The following MAML2 variants were observed in gnomAD, a reference collection of about 807,000 sequenced individuals.
The protein encoded by MAML2 is mastermind-like protein 2.
In MAML2, 22 loss-of-function variants were observed where a neutral mutation model predicts 96.1. The observed-to-expected ratio is 0.23, with a 90% confidence interval of 0.16 to 0.33. The LOEUF is 0.33. MAML2 is among the 10% of genes least tolerant of loss of function. MAML2 has a pLI of 1.00. For missense variants in MAML2, 1,367 were observed against 1,392.4 expected, an observed-to-expected ratio of 0.98 and a Z score of 0.29; for synonymous variants, 561 against 521.3, an observed-to-expected ratio of 1.08 and a Z score of -1.04.
chr11:95,984,801 A>G (rs901436439), intron 4 of MAML2, among the ~76,000 whole-genome samples: 7 of 152,220 alleles, frequency 4.6e-5, no homozygotes, highest in Non-Finnish European at 4.4e-5. Context: ...GAAACCCAAG[A>G]GCGTAAACTT....
chr11:96,311,411 G>T (rs530062573), intron 1 of MAML2, among the ~76,000 whole-genome samples: 1 of 152,290 alleles, frequency 6.6e-6, no homozygotes, highest in South Asian at 2.1e-4. Flanking sequence ...TGTGATTCTG[G>T]AATATCTCCA....
intron 2 of MAML2, among the ~76,000 whole-genome samples, chr11:96,006,563 CTT>C (rs367732430): frequency 7.2e-6 from 1 of 138,630 alleles, no homozygotes; most frequent in African/African-American, 2.6e-5. Context: ...TTTTTTTTTT[CTT>C]TTTTTTTTTT....
intron 2 of MAML2, 30 bp downstream of exon 2, chr11:96,091,862 A>C: frequency 6.3e-7 from 1 of 1,595,176 alleles, no homozygotes; most frequent in Non-Finnish European, 8.5e-7. Flanking sequence ...GTCTCTGGGA[A>C]CTCTGTATTT....
chr11:96,076,442 A>T (rs971352678), intron 2 of MAML2, among the ~76,000 whole-genome samples: 9,698 of 71,378 alleles, frequency 0.14, 821 homozygotes, highest in African/African-American at 0.26. Flanking sequence ...TCACACACAC[A>T]CACACACACA....
At chr11:96,240,977 T>C (rs1397286410) in intron 1 of MAML2, among the ~76,000 whole-genome samples, 2 of 152,208 alleles carry the variant, frequency 1.3e-5, no homozygotes, top group Non-Finnish European at 2.9e-5. Context: ...CCCTATGCTG[T>C]GAACTAGAAA....
chr11:95,997,332 A>C (rs1357946199), intron 2 of MAML2, among the ~76,000 whole-genome samples: 2 of 152,148 alleles, frequency 1.3e-5, no homozygotes, highest in African/African-American at 4.8e-5. Context: ...GATTTTTAAA[A>C]GTCTTTTTAT....
At chr11:96,156,707 A>C (rs73525583) in intron 1 of MAML2, among the ~76,000 whole-genome samples, 1 of 152,378 alleles carries the variant, frequency 6.6e-6, no homozygotes, top group African/African-American at 2.4e-5. Context: ...GACCAGAGGA[A>C]GTAAAGAATG....
At chr11:96,058,277 A>T (rs146179039) in intron 2 of MAML2, among the ~76,000 whole-genome samples, 1 of 150,810 alleles carries the variant, frequency 6.6e-6, no homozygotes, top group African/African-American at 2.4e-5. Context: ...TGATGAGGCC[A>T]TCCAAGTCCA....
At chr11:96,154,618 G>C (rs1378909080) in intron 1 of MAML2, among the ~76,000 whole-genome samples, 1 of 152,150 alleles carries the variant, frequency 6.6e-6, no homozygotes, top group Non-Finnish European at 1.5e-5. Context: ...TTGGTAAAGA[G>C]GCCCAGTATC....
chr11:96,332,020 C>G (rs957471365), intron 1 of MAML2, among the ~76,000 whole-genome samples: 4 of 152,152 alleles, frequency 2.6e-5, no homozygotes, highest in African/African-American at 4.8e-5. Flanking sequence ...GCAACTCACT[C>G]TCTTTCATTG....
At chr11:96,049,404 G>A (rs901341715) in intron 2 of MAML2, among the ~76,000 whole-genome samples, 4 of 151,222 alleles carry the variant, frequency 2.6e-5, no homozygotes. Context: ...TTCTTTTTTT[G>A]ACAAAGAAGG....
chr11:96,115,582 T>C (rs1264144767), intron 1 of MAML2, among the ~76,000 whole-genome samples: 1 of 152,010 alleles, frequency 6.6e-6, no homozygotes, highest in African/African-American at 2.4e-5. Context: ...CAGGGTCTGA[T>C]CAGTATAAGC....
chr11:96,179,131 A>G (rs138129905), intron 1 of MAML2, among the ~76,000 whole-genome samples: 3 of 152,304 alleles, frequency 2.0e-5, no homozygotes, highest in African/African-American at 7.2e-5. Context: ...GCCCAGCAAC[A>G]TAGTGCTGCA....
chr11:96,255,042 G>A (rs771150791), intron 1 of MAML2, among the ~76,000 whole-genome samples: 1 of 151,980 alleles, frequency 6.6e-6, no homozygotes, highest in Admixed American at 6.6e-5. Context: ...ATGCTGGTCC[G>A]GAACTCCTGG....
intron 1 of MAML2, among the ~76,000 whole-genome samples, chr11:96,304,725 A>T (rs997946380): frequency 6.6e-6 from 1 of 152,236 alleles, no homozygotes; most frequent in East Asian, 1.9e-4. Flanking sequence ...CAGCAGGCAG[A>T]GGAGATACAG....
At chr11:96,171,966 A>G (rs1160218630) in intron 1 of MAML2, among the ~76,000 whole-genome samples, 1 of 152,232 alleles carries the variant, frequency 6.6e-6, no homozygotes, top group East Asian at 1.9e-4. Context: ...CTTTGATATC[A>G]GAGACCATGC....
intron 1 of MAML2, among the ~76,000 whole-genome samples, chr11:96,280,879 C>T (rs1304906071): frequency 6.6e-6 from 1 of 152,130 alleles, no homozygotes; most frequent in Non-Finnish European, 1.5e-5. Context: ...GCTATAAGCT[C>T]CCAGAGGGGT....
At chr11:96,200,417 G>A (rs1465675796) in intron 1 of MAML2, among the ~76,000 whole-genome samples, 1 of 152,168 alleles carries the variant, frequency 6.6e-6, no homozygotes, top group Non-Finnish European at 1.5e-5. Flanking sequence ...CAAGCTATTA[G>A]TGAGACTTCA....
chr11:96,039,068 T>C (rs1325646807), intron 2 of MAML2, among the ~76,000 whole-genome samples: 1 of 152,208 alleles, frequency 6.6e-6, no homozygotes, highest in East Asian at 1.9e-4. Context: ...TTAGGCAACA[T>C]AGTGAGACCC....
Sources: gnomAD v4.1 joint callset for allele counts (sites outside exome capture counted in the v4.1 genomes callset) on GRCh38, gnomAD v4.1.1 for gene constraint, MANE v1.5 for transcripts, NCBI Gene and HGNC (gene_info 2026-07-23, HGNC 2026-07-21) for gene names.